The following CADM2 variants were observed in gnomAD, a reference collection of about 807,000 sequenced individuals.
The protein encoded by CADM2 is cell adhesion molecule 2.
CADM2 carries 12 observed loss-of-function variants against 49.8 expected under a neutral mutation model. The ratio of observed to expected loss-of-function variants is 0.24; its 90% CI spans 0.15 to 0.39. The LOEUF is 0.39. Among genes scored for constraint, CADM2 ranks in the 10% least tolerant of loss-of-function variants. CADM2 has a pLI of 1.00. For missense variants in CADM2, 378 were observed against 492.3 expected (o/e 0.77, Z 2.20); for synonymous variants, 214 against 175.4 (o/e 1.22, Z -1.74).
At chr3:85,275,738 C>A (rs2043342249) in intron 1 of CADM2, among the ~76,000 whole-genome samples, 1 of 150,920 alleles carries the variant, frequency 6.6e-6, no homozygotes, top group Non-Finnish European at 1.5e-5. Flanking sequence ...ATTATAATAC[C>A]TTTTCACTTT....
intron 1 of CADM2, among the ~76,000 whole-genome samples, chr3:85,569,522 T>C (rs2062412905): frequency 6.6e-6 from 1 of 152,150 alleles, no homozygotes; most frequent in Non-Finnish European, 1.5e-5. Context: ...CACTGTACCA[T>C]TCTAGCTTCC....
intron 1 of CADM2, among the ~76,000 whole-genome samples, chr3:84,971,024 T>A (rs1392286002): frequency 6.6e-6 from 1 of 152,110 alleles, no homozygotes; most frequent in Non-Finnish European, 1.5e-5. Context: ...TTTTAATTTT[T>A]TTGTGTGTAG....
At chr3:85,107,595 T>TTC (rs1178892116) in intron 1 of CADM2, among the ~76,000 whole-genome samples, 28 of 149,016 alleles carry the variant, frequency 1.9e-4, no homozygotes, top group African/African-American at 5.3e-4. Flanking sequence ...TTTTCTTTCT[T>TTC]TCTTTCTCTT....
At chr3:86,016,649 T>A (rs550150031) in intron 8 of CADM2, among the ~76,000 whole-genome samples, 1 of 152,312 alleles carries the variant, frequency 6.6e-6, no homozygotes, top group African/African-American at 2.4e-5. Context: ...AAAACTTAAG[T>A]TGACCCTTTC....
At position 85,563,411 on chromosome 3, in the gene CADM2, T is replaced by TGGCGGG. The variant is rs2062156747; in HGVS notation, c.62-163109_62-163108insCGGGGG. On this transcript the variant is annotated intron_variant, in intron 1 of 9. Transcript: ENST00000383699. ...AAAACAGGGAATTTTTGTGTGTGTGTGGGGGGGTGGTAATTTAGCTAAAAT... is the reference window on the plus strand; with the variant it reads ...AAAACAGGGAATTTTTGTGTGTGTGTGGCGGGGGGGGGGTGGTAATTTAGCTAAAAT... 2.1e-5 allele frequency among the ~76,000 whole-genome samples: 3 copies of TGGCGGG among 142,044 alleles called. No homozygotes were observed. The South Asian group carries it at 6.8e-4, about 32-fold the overall frequency. The allele number at this position is 142,044 out of a possible 152,430, so 93.2% of individuals were successfully genotyped here.
intron 2 of CADM2, among the ~76,000 whole-genome samples, chr3:85,741,327 C>T (rs1559625667): frequency 8.1e-6 from 1 of 123,902 alleles, no homozygotes; most frequent in Non-Finnish European, 1.7e-5. Context: ...ATTTATTTCC[C>T]CTCAAGAGAA....
At chr3:85,117,844 T>G (rs1198034012) in intron 1 of CADM2, among the ~76,000 whole-genome samples, 1 of 152,154 alleles carries the variant, frequency 6.6e-6, no homozygotes, top group Non-Finnish European at 1.5e-5. Flanking sequence ...GGGCATTATA[T>G]TTTTTATATT....
At chr3:85,721,598 TGGGCACCA>T (rs2067505524) in intron 1 of CADM2, among the ~76,000 whole-genome samples, 2 of 152,160 alleles carry the variant, frequency 1.3e-5, no homozygotes, top group Admixed American at 1.3e-4. Flanking sequence ...GGTGCCGGCA[TGGGCACCA>T]GCTCTCCGTG....
Position 86,024,766 on chromosome 3 carries a change from G to GA in CADM2, c.971-40838dup, listed in dbSNP as rs1196250756. Among the ~76,000 whole-genome samples the GA allele has an allele frequency of 5.9e-5, 9 of 152,148 alleles. No homozygotes were observed. In the East Asian group the frequency reaches 1.7e-3, roughly 29 times the overall value. On this transcript the variant is annotated intron_variant, in intron 8 of 9. Coordinates refer to ENST00000383699, the MANE Select transcript of CADM2 (RefSeq NM_001167675.2). Reference sequence around the variant, plus strand: ...TGCAAAATTGACTACATATGTTGAAGACCGAATAAAAATGAAGGATGCTCT... The same window carrying GA: ...TGCAAAATTGACTACATATGTTGAAGAACCGAATAAAAATGAAGGATGCTCT...
Position 85,668,364 on chromosome 3 carries a change from G to A in CADM2, c.62-58158G>A, listed in dbSNP as rs1181943471. On this transcript the variant is annotated intron_variant, in intron 1 of 9. Coordinates refer to ENST00000383699, the MANE Select transcript of CADM2 (RefSeq NM_001167675.2). The stretch of plus-strand genomic sequence containing the variant: ...CAAAAAAACACCTCAAATAAATCTA[G>A]TGTTTGGAAATAATAAATACATTAG... Among the ~76,000 whole-genome samples the A allele has an allele frequency of 2.0e-5, 3 of 148,812 alleles. No individual in the cohort carries two copies. The East Asian group carries it at 5.9e-4, about 29-fold the overall frequency.
At chr3:85,538,434 G>T (rs2061469986) in intron 1 of CADM2, among the ~76,000 whole-genome samples, 1 of 131,566 alleles carries the variant, frequency 7.6e-6, no homozygotes, top group Admixed American at 8.4e-5. Flanking sequence ...TGAGATGCAG[G>T]TTCAGGTCTT....
At chr3:85,809,658 CCCTTCCTTCCTTCCTTCCTTCCTTCCTT>C (rs538027252) in intron 3 of CADM2, among the ~76,000 whole-genome samples, 11 of 68,958 alleles carry the variant, frequency 1.6e-4, no homozygotes, top group African/African-American at 4.1e-4. Context: ...AACATTTTCT[CCCTTCCTTCCTTCCTTCCTTCCTTCCTT>C]CCTTCCTTCC....
intron 3 of CADM2, among the ~76,000 whole-genome samples, chr3:85,870,845 G>A (rs1024223564): frequency 6.6e-6 from 1 of 151,942 alleles, no homozygotes; most frequent in African/African-American, 2.4e-5. Context: ...CACAATGATT[G>A]AACTAATTCA....
intron 1 of CADM2, among the ~76,000 whole-genome samples, chr3:85,619,031 C>G (rs2063887665): frequency 7.5e-6 from 1 of 133,504 alleles, no homozygotes; most frequent in South Asian, 2.6e-4. Flanking sequence ...CAGAATGAGA[C>G]TCTGTCTCAA....
chr3:85,389,541 A>G (rs1248155878), intron 1 of CADM2, among the ~76,000 whole-genome samples: 3 of 152,106 alleles, frequency 2.0e-5, no homozygotes, highest in African/African-American at 7.2e-5. Context: ...AATATTTGAT[A>G]TATACCATAT....
chr3:85,442,750 T>C (rs1230858386), intron 1 of CADM2, among the ~76,000 whole-genome samples: 1 of 150,818 alleles, frequency 6.6e-6, no homozygotes, highest in East Asian at 1.9e-4. Context: ...TAAGAATATA[T>C]TTACAATATT....
At chr3:85,700,414 C>T (rs2066718411) in intron 1 of CADM2, among the ~76,000 whole-genome samples, 1 of 152,018 alleles carries the variant, frequency 6.6e-6, no homozygotes, top group African/African-American at 2.4e-5. Context: ...CAGCAAACCA[C>T]CATGGCATGT....
At chr3:85,547,854 CT>C (rs1283876686) in intron 1 of CADM2, among the ~76,000 whole-genome samples, 1 of 152,146 alleles carries the variant, frequency 6.6e-6, no homozygotes, top group African/African-American at 2.4e-5. Flanking sequence ...CACAAGTCAT[CT>C]ACACAGTCGC....
intron 1 of CADM2, among the ~76,000 whole-genome samples, chr3:85,595,143 A>C (rs376931411): frequency 2.6e-4 from 39 of 152,160 alleles, no homozygotes; most frequent in African/African-American, 8.9e-4. Flanking sequence ...GAACTAATGC[A>C]TTTCAGTACT....
Sources: gnomAD v4.1 joint callset for allele counts (sites outside exome capture counted in the v4.1 genomes callset) on GRCh38, gnomAD v4.1.1 for gene constraint, MANE v1.5 for transcripts, NCBI Gene and HGNC (gene_info 2026-07-23, HGNC 2026-07-21) for gene names.